Variants in ROBO1 observed in about 807,000 individuals in gnomAD.
The protein encoded by ROBO1 is roundabout homolog 1.
Under a neutral mutation model 195.9 loss-of-function variants are expected in ROBO1, and 149 were observed. That is an observed-to-expected ratio of 0.76 (90% CI 0.67 to 0.87). The LOEUF is 0.87. ROBO1 is among the 40% of genes least tolerant of loss of function. The pLI, the probability that ROBO1 is intolerant of heterozygous loss-of-function variation, is 0.00. For synonymous variants in ROBO1, 816 were observed against 733.2 expected (o/e 1.11, Z -1.82); for missense variants, 1,933 against 2,068.3 (o/e 0.93, Z 1.27).
chr3:78,978,784 A>T (rs946140759), intron 3 of ROBO1, among the ~76,000 whole-genome samples: 1 of 152,174 alleles, frequency 6.6e-6, no homozygotes, highest in South Asian at 2.1e-4. Context: ...TGAAAATCTG[A>T]CTTTACTTAA....
chr3:79,711,014 AAATG>A (rs1702253790), intron 1 of ROBO1, among the ~76,000 whole-genome samples: 1 of 152,190 alleles, frequency 6.6e-6, no homozygotes, highest in Non-Finnish European at 1.5e-5. Flanking sequence ...TGAGTGAATA[AAATG>A]AATGAATACT....
At chr3:78,908,562 T>C (rs145065843) in intron 4 of ROBO1, among the ~76,000 whole-genome samples, 1,650 of 152,086 alleles carry the variant, frequency 0.011, 49 homozygotes, top group East Asian at 0.08. Context: ...TGGTTCTTTT[T>C]CCTTTACCAC....
At chr3:79,630,964 A>G (rs551963331) in intron 1 of ROBO1, among the ~76,000 whole-genome samples, 1 of 152,096 alleles carries the variant, frequency 6.6e-6, no homozygotes, top group South Asian at 2.1e-4. Context: ...CACTGAGGAA[A>G]GACATTGGGA....
intron 25 of ROBO1, among the ~76,000 whole-genome samples, chr3:78,630,047 G>A (rs1259779969): frequency 6.6e-6 from 1 of 152,144 alleles, no homozygotes; most frequent in Non-Finnish European, 1.5e-5. Flanking sequence ...CGCCCTAGAA[G>A]GCTGTAATGT....
chr3:79,296,704 A>G (rs1328554400), intron 2 of ROBO1, among the ~76,000 whole-genome samples: 1 of 152,184 alleles, frequency 6.6e-6, no homozygotes. Context: ...TAAAACAGAC[A>G]TGGCCTTTGG....
intron 1 of ROBO1, among the ~76,000 whole-genome samples, chr3:79,760,377 G>T (rs1200071787): frequency 1.4e-5 from 2 of 146,710 alleles, no homozygotes; most frequent in African/African-American, 5.0e-5. Context: ...GTAATAAAAG[G>T]TAATCAATTT....
intron 2 of ROBO1, among the ~76,000 whole-genome samples, chr3:79,268,054 T>C (rs971271253): frequency 6.6e-6 from 1 of 151,640 alleles, no homozygotes; most frequent in African/African-American, 2.4e-5. Flanking sequence ...AGAAAAATAG[T>C]CAGAAAAATT....
At chr3:79,696,834 T>C (rs1195755927) in intron 1 of ROBO1, among the ~76,000 whole-genome samples, 2 of 151,548 alleles carry the variant, frequency 1.3e-5, no homozygotes, top group Non-Finnish European at 3.0e-5. Context: ...CAAGATTATA[T>C]AAAGTCAATA....
chr3:79,541,535 T>A lies in ROBO1; in HGVS notation c.88+48289A>T, dbSNP rs554532272. Among the ~76,000 whole-genome samples the A allele has an allele frequency of 3.9e-5, 6 of 152,194 alleles. No homozygotes were observed. The East Asian group carries it at 1.2e-3, about 29-fold the overall frequency. On this transcript the variant is annotated intron_variant, in intron 2 of 30. Transcript: ENST00000464233. ...GGACAGAAATATGGTTGCAGTTGCA[T>A]ATATGCATATAAAATATTCCTCCCT...
chr3:79,019,007 G>A (rs1186559747), intron 3 of ROBO1: 15 of 990,310 alleles, frequency 1.5e-5, no homozygotes, highest in East Asian at 1.1e-4. Flanking sequence ...AGGGCTCGGG[G>A]TGCCGGGAGT....
intron 4 of ROBO1, among the ~76,000 whole-genome samples, chr3:78,772,896 A>G (rs2083412865): frequency 6.6e-6 from 1 of 152,094 alleles, no homozygotes; most frequent in Non-Finnish European, 1.5e-5. Context: ...CCAGGATTCC[A>G]TCCTAGGTTT....
intron 4 of ROBO1, among the ~76,000 whole-genome samples, chr3:78,779,523 C>A (rs1455599539): frequency 3.3e-5 from 5 of 152,094 alleles, no homozygotes; most frequent in African/African-American, 1.2e-4. Context: ...CCATCACTGG[C>A]CATTAGAGAA....
intron 29 of ROBO1, among the ~76,000 whole-genome samples, chr3:78,601,099 C>CCAA (rs753300940): frequency 5.9e-5 from 9 of 152,112 alleles, no homozygotes; most frequent in Non-Finnish European, 8.8e-5. Flanking sequence ...CCAAAGTCTG[C>CCAA]CAACTCTGCC....
intron 2 of ROBO1, among the ~76,000 whole-genome samples, chr3:79,196,554 T>A (rs749294341): frequency 6.6e-6 from 1 of 151,788 alleles, no homozygotes; most frequent in Non-Finnish European, 1.5e-5. Context: ...AGTTAACTTA[T>A]AGTGACTACA....
chr3:78,714,659 C>T, intron 7 of ROBO1, 135 bp from the exon 8 acceptor site: 1 of 712,304 alleles, frequency 1.4e-6, no homozygotes, highest in Admixed American at 3.9e-5. Flanking sequence ...ACATGGTATT[C>T]CTCTAAGTCA....
chr3:79,554,782 C>G (rs1441364016), intron 2 of ROBO1, among the ~76,000 whole-genome samples: 1 of 152,064 alleles, frequency 6.6e-6, no homozygotes, highest in African/African-American at 2.4e-5. Context: ...TGTTAATCAT[C>G]TTGGAGATAT....
chr3:79,488,736 G>C (rs1939289808), intron 2 of ROBO1, among the ~76,000 whole-genome samples: 1 of 152,078 alleles, frequency 6.6e-6, no homozygotes, highest in Non-Finnish European at 1.5e-5. Context: ...TGAGTCTAAT[G>C]GACATACACT....
At chr3:79,091,443 C>T (rs2079478497) in intron 3 of ROBO1, among the ~76,000 whole-genome samples, 1 of 151,972 alleles carries the variant, frequency 6.6e-6, no homozygotes, top group Non-Finnish European at 1.5e-5. Context: ...AAAATAATTC[C>T]ATCAGATCTT....
chr3:79,698,910 T>G (rs1947526935), intron 1 of ROBO1, among the ~76,000 whole-genome samples: 1 of 151,292 alleles, frequency 6.6e-6, no homozygotes, highest in Non-Finnish European at 1.5e-5. Flanking sequence ...AAATAATAGT[T>G]TTTTTTGACC....
Sources: allele counts gnomAD v4.1 joint callset (sites outside exome capture counted in the v4.1 genomes callset), GRCh38; gene constraint gnomAD v4.1.1; transcripts MANE v1.5; gene names NCBI Gene and HGNC (gene_info 2026-07-23, HGNC 2026-07-21).